Variants in RAB3GAP1 observed in about 807,000 individuals in gnomAD.
The protein encoded by RAB3GAP1 is RAB3 GTPase activating protein catalytic subunit 1.
In RAB3GAP1, 86 loss-of-function variants were observed where a neutral mutation model predicts 130.7. The observed-to-expected ratio is 0.66, with a 90% confidence interval of 0.55 to 0.79. RAB3GAP1 has a LOEUF of 0.79. RAB3GAP1 is among the 30% of genes least tolerant of loss of function. The pLI is 0.00. For missense variants in RAB3GAP1, 1,029 were observed against 1,169.4 expected (o/e 0.88, Z 1.75); for synonymous variants, 367 against 401.7 (o/e 0.91, Z 1.03).
intron 17 of RAB3GAP1, among the ~76,000 whole-genome samples, chr2:135,140,923 T>C (rs937561498): frequency 4.6e-5 from 7 of 152,224 alleles, no homozygotes; most frequent in Admixed American, 3.9e-4. Context: ...AGAATGGCAG[T>C]CTCAGACCTG....
chr2:135,067,735 G>C (rs757626759), intron 3 of RAB3GAP1, among the ~76,000 whole-genome samples: 3 of 152,118 alleles, frequency 2.0e-5, no homozygotes, highest in African/African-American at 4.8e-5. Context: ...CTTAATTGCT[G>C]TTATTATTTT....
At chr2:135,108,788 T>C (rs1376540097) in intron 5 of RAB3GAP1, among the ~76,000 whole-genome samples, 1 of 152,208 alleles carries the variant, frequency 6.6e-6, no homozygotes, top group African/African-American at 2.4e-5. Context: ...CTAGATTTTA[T>C]TCTGTGTTCT....
intron 22 of RAB3GAP1, 109 bp from the exon 23 acceptor site, chr2:135,164,485 G>A (rs749855573): frequency 7.6e-5 from 61 of 799,300 alleles, no homozygotes; most frequent in Admixed American, 3.7e-4. Context: ...GTTGGGTTTA[G>A]CCAGTATCAG....
Position 135,169,642 on chromosome 2 carries a change from G to A in RAB3GAP1, c.*861G>A, listed in dbSNP as rs1161478538. ...TGCAAAAATACAGTCTTGGTACCTA[G>A]AGACTGTCATGCAGATAGTATAATT... On this transcript the variant is annotated 3_prime_UTR_variant, in exon 24 of 24. Transcript: ENST00000264158. 1 of 425,812 alleles carries A rather than the reference G, an allele frequency of 2.3e-6. No individual in the cohort carries two copies. The highest frequency in any genetic ancestry group is 2.0e-5 in the African/African-American group (1 of 49,260). The allele number at this position is 425,812 out of a possible 1,614,324, so 26.4% of individuals were successfully genotyped here.
At position 135,072,844 on chromosome 2, in the gene RAB3GAP1, T is replaced by C. The variant is rs537831856; in HGVS notation, c.150+14758T>C. On this transcript the variant is annotated intron_variant, in intron 3 of 23. Transcript: ENST00000264158. ...TTAGTAAGTTATGGTTTGTATTACA[T>C]GTTGCTGTGTGAGCCTGTGAAGGGG... 7.9e-5 allele frequency among the ~76,000 whole-genome samples: 12 copies of C among 152,340 alleles called. No individual in the cohort carries two copies. In the South Asian group the frequency reaches 2.5e-3, roughly 32 times the overall value.
chr2:135,128,165 A>G (rs1691412835), intron 11 of RAB3GAP1, among the ~76,000 whole-genome samples: 1 of 152,232 alleles, frequency 6.6e-6, no homozygotes, highest in African/African-American at 2.4e-5. Flanking sequence ...TGCTAACTAT[A>G]TAATAGTGAA....
chr2:135,086,765 TTGG>T (rs1689998948), intron 3 of RAB3GAP1, among the ~76,000 whole-genome samples: 1 of 149,602 alleles, frequency 6.7e-6, no homozygotes, highest in Admixed American at 6.7e-5. Flanking sequence ...CCTTAAACTC[TTGG>T]TCTCAAGTGA....
intron 18 of RAB3GAP1, 47 bp downstream of exon 18, chr2:135,150,553 G>A (rs1314604181): frequency 9.9e-6 from 16 of 1,610,814 alleles, no homozygotes; most frequent in Non-Finnish European, 1.2e-5. Flanking sequence ...AGCTATTCTG[G>A]GATGAAACTG....
intron 19 of RAB3GAP1, 114 bp downstream of exon 19, chr2:135,153,990 AATTC>A (rs1692243776): frequency 1.0e-6 from 1 of 989,248 alleles, no homozygotes; most frequent in Non-Finnish European, 1.6e-6. Flanking sequence ...AAAGCATTGA[AATTC>A]AATGAGCGTT....
intron 5 of RAB3GAP1, among the ~76,000 whole-genome samples, chr2:135,103,909 T>C (rs188627830): frequency 3.9e-4 from 59 of 152,286 alleles, no homozygotes; most frequent in Non-Finnish European, 7.1e-4. Context: ...GAAAGACAGA[T>C]ACCCTCTCTA....
chr2:135,104,876 G>A lies in RAB3GAP1; in HGVS notation c.363-8275G>A, dbSNP rs186018769. ...GGCACTCCAGCCTGGGCAACAGAGC[G>A]AAACTCCATCTCAAAACAAACAAAC... On this transcript the variant is annotated intron_variant, in intron 5 of 23. Transcript: ENST00000264158. Among the ~76,000 whole-genome samples the A allele has an allele frequency of 1.5e-4, 23 of 152,146 alleles. 1 individual carries two copies. Among genetic ancestry groups the A allele is most frequent in the Admixed American group, 1.2e-3 (18 of 15,298 alleles).
chr2:135,100,360 A>G (rs1031575), intron 5 of RAB3GAP1, among the ~76,000 whole-genome samples: 4,230 of 152,334 alleles, frequency 0.028, 90 homozygotes, highest in South Asian at 0.049. Flanking sequence ...GTTAGGGCCT[A>G]TAGCCAAAGC....
In RAB3GAP1 at chr2:135,129,978, CTT is replaced by C. The variant is rs754110087; in HGVS notation, c.974-11_974-10del. 7.5e-5 allele frequency: 113 copies of C among 1,513,064 alleles called. No homozygotes were observed. The highest frequency in any genetic ancestry group is 9.7e-5 in the Non-Finnish European group (106 of 1,097,542). 93.7% of individuals were successfully genotyped at this position (1,513,064 alleles called of 1,614,324 possible). Reference sequence around the variant, plus strand: ...TTTTTCAGTTAAGTGTCAAAAATAACTTTTTTTCCTACATAGGTGATTTTGTC... The same window carrying C: ...TTTTTCAGTTAAGTGTCAAAAATAACTTTTTCCTACATAGGTGATTTTGTC... On this transcript the variant is annotated splice_polypyrimidine_tract_variant and intron_variant, in intron 11 of 23. Transcript: ENST00000264158.
chr2:135,165,206 C>G, intron 23 of RAB3GAP1: 1 of 450,260 alleles, frequency 2.2e-6, no homozygotes, highest in African/African-American at 2.0e-5. Context: ...AAACAGATTT[C>G]AGCACAGAAA....
chr2:135,066,421 A>G (rs1470702560), intron 3 of RAB3GAP1, among the ~76,000 whole-genome samples: 1 of 152,228 alleles, frequency 6.6e-6, no homozygotes, highest in Non-Finnish European at 1.5e-5. Context: ...TAATCCTTAA[A>G]CAGACTTCAA....
At chr2:135,158,398 A>T (rs1692375767) in intron 19 of RAB3GAP1, among the ~76,000 whole-genome samples, 1 of 152,224 alleles carries the variant, frequency 6.6e-6, no homozygotes, top group Non-Finnish European at 1.5e-5. Flanking sequence ...GGGGCATTTC[A>T]TAGAGAGCTA....
chr2:135,117,009 G>A (rs1690989342), intron 7 of RAB3GAP1, among the ~76,000 whole-genome samples: 1 of 151,850 alleles, frequency 6.6e-6, no homozygotes, highest in South Asian at 2.1e-4. Context: ...GTACTGGTAG[G>A]ATTATTACTA....
chr2:135,066,776 C>T (rs1488263689), intron 3 of RAB3GAP1, among the ~76,000 whole-genome samples: 1 of 151,970 alleles, frequency 6.6e-6, no homozygotes, highest in Non-Finnish European at 1.5e-5. Flanking sequence ...TCCTTTTAGC[C>T]TTGTAATTTT....
rs557776134 is a variant in RAB3GAP1, at chr2:135,170,083, C to T, written c.*1302C>T. 2 of 182,704 alleles carry T rather than the reference C, an allele frequency of 1.1e-5. No homozygotes were observed. The highest frequency in any genetic ancestry group is 4.8e-5 in the African/African-American group (2 of 41,674). The allele number at this position is 182,704 out of a possible 1,614,324, so 11.3% of individuals were successfully genotyped here. On this transcript the variant is annotated 3_prime_UTR_variant, in exon 24 of 24. Coordinates refer to ENST00000264158, the MANE Select transcript of RAB3GAP1 (RefSeq NM_012233.3). ...GAGGCCCTGGGGGATGACCTCCCAG[C>T]CTTTATGATGCTTTTCTCTATGCTG...
Sources: gnomAD v4.1 joint callset for allele counts (sites outside exome capture counted in the v4.1 genomes callset) on GRCh38, gnomAD v4.1.1 for gene constraint, MANE v1.5 for transcripts, NCBI Gene and HGNC (gene_info 2026-07-23, HGNC 2026-07-21) for gene names.